The following LNX1 variants were observed in gnomAD, a reference collection of about 807,000 sequenced individuals.
LNX1 encodes E3 ubiquitin-protein ligase LNX.
In LNX1, 54 loss-of-function variants were observed where a neutral mutation model predicts 68.4. The ratio of observed to expected loss-of-function variants is 0.79; its 90% CI spans 0.63 to 0.99. The LOEUF is 0.99. Ranked by LOEUF, LNX1 falls within the 50% of genes least tolerant of loss-of-function variation. The probability of loss-of-function intolerance (pLI) is 0.00; values close to 1 mark genes in which losing one functional copy is unlikely to be tolerated. For missense variants in LNX1, 906 were observed against 926.4 expected (o/e 0.98, Z 0.29); for synonymous variants, 336 against 350.0 (o/e 0.96, Z 0.45).
At chr4:53,494,081 C>T (rs1319065030) in intron 6 of LNX1, among the ~76,000 whole-genome samples, 1 of 152,130 alleles carries the variant, frequency 6.6e-6, no homozygotes, top group East Asian at 1.9e-4. Flanking sequence ...GGCTGTGTCC[C>T]CACCCAAATC....
At chr4:53,568,836 G>A (rs1338005642) in intron 2 of LNX1, among the ~76,000 whole-genome samples, 4 of 152,188 alleles carry the variant, frequency 2.6e-5, no homozygotes, top group Admixed American at 6.5e-5. Flanking sequence ...AAATCAATGT[G>A]CAAAAATCAC....
intron 2 of LNX1, among the ~76,000 whole-genome samples, chr4:53,528,428 A>G (rs773018218): frequency 6.6e-6 from 1 of 152,224 alleles, no homozygotes; most frequent in Non-Finnish European, 1.5e-5. Flanking sequence ...GCATTTTATC[A>G]CCTCATATTA....
rs759899218 is a variant in LNX1, at chr4:53,459,935, C to CACA, written c.*969_*971dup. 62 of 218,094 alleles carry CACA rather than the reference C, an allele frequency of 2.8e-4. No individual in the cohort carries two copies. Among genetic ancestry groups the CACA allele is most frequent in the Middle Eastern group, 1.4e-3 (1 of 702 alleles). The allele number at this position is 218,094 out of a possible 1,614,324, so 13.5% of individuals were successfully genotyped here. ...TAAGAGACTCATACATTTTTGATAT[C>CACA]ACAACTTTTTGATGGCTTTTCAATA... is the stretch of plus-strand genomic sequence containing the variant. On this transcript the variant is annotated 3_prime_UTR_variant, in exon 11 of 11. Transcript: ENST00000263925.
intron 2 of LNX1, among the ~76,000 whole-genome samples, chr4:53,550,525 C>G (rs1729426804): frequency 6.6e-6 from 1 of 152,118 alleles, no homozygotes; most frequent in South Asian, 2.1e-4. Flanking sequence ...CATTTGCTGG[C>G]AAATCCATAA....
chr4:53,488,063 C>A (rs1245304028), intron 6 of LNX1, among the ~76,000 whole-genome samples: 1 of 152,214 alleles, frequency 6.6e-6, no homozygotes, highest in African/African-American at 2.4e-5. Flanking sequence ...AAGTCACAGA[C>A]ACACAAGAAA....
At chr4:53,465,797 C>T (rs541605282) in intron 9 of LNX1, among the ~76,000 whole-genome samples, 7 of 152,278 alleles carry the variant, frequency 4.6e-5, no homozygotes, top group African/African-American at 1.7e-4. Flanking sequence ...AGTTATGAAA[C>T]ATAGTACCCT....
chr4:53,554,293 C>T (rs1257401617), intron 2 of LNX1, among the ~76,000 whole-genome samples: 1 of 152,218 alleles, frequency 6.6e-6, no homozygotes, highest in Non-Finnish European at 1.5e-5. Flanking sequence ...TCTGGGTCTG[C>T]TCTTCATCCT....
Position 53,601,500 on chromosome 4 carries a change from C to T in LNX1, c.-214-9985G>A, listed in dbSNP as rs1004675224. Among the ~76,000 whole-genome samples the T allele has an allele frequency of 4.9e-4, 74 of 152,340 alleles. 1 individual carries two copies. Among genetic ancestry groups the T allele is most frequent in the African/African-American group, 1.8e-3 (73 of 41,576 alleles). ...TGGCCAGTCCTTCTAAGTGATTAGG[C>T]TGCACCTGGACCAACACTGTTCGCG... On this transcript the variant is annotated intron_variant, in intron 2 of 3. Transcript: ENST00000504299.
At chr4:53,538,879 G>A (rs916318415) in intron 2 of LNX1, among the ~76,000 whole-genome samples, 7 of 152,146 alleles carry the variant, frequency 4.6e-5, no homozygotes, top group East Asian at 3.8e-4. Flanking sequence ...CCTCAATAGC[G>A]ACAACATGTT....
intron 1 of LNX1, among the ~76,000 whole-genome samples, chr4:53,579,779 G>A (rs1205761811): frequency 1.3e-5 from 2 of 152,176 alleles, no homozygotes; most frequent in Non-Finnish European, 2.9e-5. Flanking sequence ...TGGCTTTATA[G>A]AAAATGGTTA....
At chr4:53,468,757 T>G (rs1231307436) in intron 9 of LNX1, among the ~76,000 whole-genome samples, 1 of 152,158 alleles carries the variant, frequency 6.6e-6, no homozygotes, top group South Asian at 2.1e-4. Context: ...CACTACATAA[T>G]GGTAAAGGGA....
At chr4:53,528,366 G>C (rs1490550610) in intron 2 of LNX1, among the ~76,000 whole-genome samples, 1 of 152,180 alleles carries the variant, frequency 6.6e-6, no homozygotes, top group Non-Finnish European at 1.5e-5. Context: ...CATATGCTAT[G>C]TCACAATGCT....
At chr4:53,598,319 A>G (rs768936037) in intron 2 of LNX1, among the ~76,000 whole-genome samples, 1 of 150,180 alleles carries the variant, frequency 6.7e-6, no homozygotes, top group Non-Finnish European at 1.5e-5. Flanking sequence ...TGTAGCCTTG[A>G]CCTCCTTATG....
intron 1 of LNX1, among the ~76,000 whole-genome samples, chr4:53,580,775 T>C (rs1372474892): frequency 6.6e-6 from 1 of 152,212 alleles, no homozygotes; most frequent in Non-Finnish European, 1.5e-5. Context: ...ATAATGTATA[T>C]CCAATCCTTA....
At chr4:53,606,721 A>G (rs1553943302) in intron 2 of LNX1, among the ~76,000 whole-genome samples, 1 of 152,228 alleles carries the variant, frequency 6.6e-6, no homozygotes, top group Non-Finnish European at 1.5e-5. Context: ...AATACTGGCA[A>G]ACTGAATCTA....
At chr4:53,539,161 G>GCTTTATGGCAACCACACCAGTCAAGGGCT (rs1728581389) in intron 2 of LNX1, 1 of 152,210 alleles carries the variant, frequency 6.6e-6, no homozygotes, top group African/African-American at 2.4e-5. Context: ...AGCTCAGTGT[G>GCTTTATGGCAACCACACCAGTCAAGGGCT]CTTTATGGCA....
At chr4:53,587,396 T>C (rs1732241165) in intron 1 of LNX1, among the ~76,000 whole-genome samples, 1 of 152,218 alleles carries the variant, frequency 6.6e-6, no homozygotes, top group South Asian at 2.1e-4. Context: ...AGTGACACAG[T>C]CTTCCTTCCA....
intron 2 of LNX1, among the ~76,000 whole-genome samples, chr4:53,558,863 C>A (rs1432334673): frequency 6.6e-6 from 1 of 152,204 alleles, no homozygotes; most frequent in African/African-American, 2.4e-5. Flanking sequence ...CCTACCTGGT[C>A]TGTCAGGGAC....
upstream of LNX1, among the ~76,000 whole-genome samples, chr4:53,594,975 G>GT: frequency 6.6e-6 from 1 of 152,186 alleles, no homozygotes; most frequent in East Asian, 1.9e-4. Context: ...GCCTCCCAAA[G>GT]TGCTGGGATT....
Sources: allele counts gnomAD v4.1 joint callset (sites outside exome capture counted in the v4.1 genomes callset), GRCh38; gene constraint gnomAD v4.1.1; transcripts MANE v1.5; gene names NCBI Gene and HGNC (gene_info 2026-07-23, HGNC 2026-07-21).